The following LVRN variants were observed in gnomAD, a reference collection of about 807,000 sequenced individuals.
LVRN encodes the protein aminopeptidase Q.
A neutral mutation model predicts 111.4 loss-of-function variants in LVRN; 99 were observed. The observed-to-expected ratio is 0.89, with a 90% CI of 0.76 to 1.05. LVRN has a LOEUF of 1.05. Among genes scored for constraint, LVRN ranks in the 50% least tolerant of loss-of-function variants. The probability of loss-of-function intolerance (pLI) is 0.00; values close to 1 mark genes in which losing one functional copy is unlikely to be tolerated. For missense variants in LVRN, 1,414 were observed against 1,206.8 expected, an observed-to-expected ratio of 1.17 and a Z score of -2.54; for synonymous variants, 488 against 449.5, an observed-to-expected ratio of 1.09 and a Z score of -1.08.
intron 4 of LVRN, among the ~76,000 whole-genome samples, chr5:115,989,460 C>G (rs1470669374): frequency 6.6e-6 from 1 of 152,184 alleles, no homozygotes. Flanking sequence ...CCTTCCCTGA[C>G]TTCTTTTCTC....
rs764681509 is a variant in LVRN, at chr5:115,963,032, G to A, written c.415G>A (p.Val139Met). 2 of 1,613,472 alleles carry A rather than the reference G, an allele frequency of 1.2e-6. No individual in the cohort carries two copies. Among genetic ancestry groups the A allele is most frequent in the Admixed American group, 1.7e-5 (1 of 59,996 alleles). Residue 139 changes from valine (V) to methionine (M), a missense_variant, in exon 1 of 20, where the codon GTG becomes ATG. Coordinates refer to ENST00000357872, the MANE Select transcript of LVRN (RefSeq NM_173800.5). ...GRVNITVRCTVATSRLLLHSL... is the reference protein window; with the variant it reads ...GRVNITVRCTMATSRLLLHSL... ...CGTGAACATCACGGTGCGCTGCACG[G>A]TGGCCACCTCTCGACTGCTGCTGCA...
At position 116,007,829 on chromosome 5, in the gene LVRN, A is replaced by T. The variant is rs549169847; in HGVS notation, c.2093+1862A>T. On this transcript the variant is annotated intron_variant, in intron 13 of 19. Transcript: ENST00000357872. ...TCTGGGTCACATTTTGGTAATTCTTACAAAATTTCAAACTTTTTCATGATT... is the reference window on the plus strand; with the variant it reads ...TCTGGGTCACATTTTGGTAATTCTTTCAAAATTTCAAACTTTTTCATGATT... Among the ~76,000 whole-genome samples, 12 of 152,338 alleles carry T rather than the reference A, an allele frequency of 7.9e-5. 1 individual carries two copies. In the South Asian group the frequency reaches 2.5e-3, roughly 32 times the overall value.
intron 1 of LVRN, chr5:115,974,965 G>A: frequency 7.2e-6 from 3 of 414,480 alleles, no homozygotes; most frequent in African/African-American, 2.1e-5. Context: ...CTGCCTTTTG[G>A]GAAATGAAGA....
intron 1 of LVRN, among the ~76,000 whole-genome samples, chr5:115,964,955 G>A (rs1753171011): frequency 6.6e-6 from 1 of 152,198 alleles, no homozygotes; most frequent in South Asian, 2.1e-4. Context: ...TGAAGAACCT[G>A]CAACAGAAGG....
At chr5:115,994,596 T>C (rs749902749) in intron 6 of LVRN, among the ~76,000 whole-genome samples, 21 of 152,196 alleles carry the variant, frequency 1.4e-4, no homozygotes, top group South Asian at 1.2e-3. Flanking sequence ...AAAGCAACTG[T>C]AACAGCAGTG....
At chr5:115,969,168 A>C (rs190269768) in intron 1 of LVRN, among the ~76,000 whole-genome samples, 6 of 152,312 alleles carry the variant, frequency 3.9e-5, no homozygotes, top group Admixed American at 3.9e-4. Context: ...TAAGGAAATA[A>C]AAGAGCCCTG....
At chr5:116,011,314 A>G (rs1748485212) in intron 14 of LVRN, among the ~76,000 whole-genome samples, 1 of 152,112 alleles carries the variant, frequency 6.6e-6, no homozygotes, top group African/African-American at 2.4e-5. Flanking sequence ...ACTCATAGGA[A>G]CAGCACTTAA....
Position 116,026,138 on chromosome 5 carries a change from A to G in LVRN, c.*20A>G, listed in dbSNP as rs1399661001. On this transcript the variant is annotated 3_prime_UTR_variant, in exon 20 of 20. Transcript: ENST00000357872. Reference sequence around the variant, plus strand: ...ACATAGCTTGTGGCTATCTTTCAGCACTCCTCTTGCATATTATAATGTAGT... The same window carrying G: ...ACATAGCTTGTGGCTATCTTTCAGCGCTCCTCTTGCATATTATAATGTAGT... 1 of 1,613,180 alleles carries G rather than the reference A, an allele frequency of 6.2e-7. No homozygotes were observed. The highest frequency in any genetic ancestry group is 1.3e-5 in the African/African-American group (1 of 74,968).
At chr5:115,993,704 T>C (rs748120208) in intron 5 of LVRN, 37 bp from the exon 6 acceptor site, 1 of 1,359,058 alleles carries the variant, frequency 7.4e-7, no homozygotes, top group Non-Finnish European at 1.0e-6. Flanking sequence ...AAAAATTAAA[T>C]TTAAGAAAGC....
At chr5:115,975,415 T>C (rs958871885) in intron 1 of LVRN, 4 of 193,864 alleles carry the variant, frequency 2.1e-5, no homozygotes, top group Middle Eastern at 2.1e-3. Context: ...CAAATGCTTC[T>C]AAACTTTTAT....
chr5:115,986,756 G>C (rs894842028), intron 3 of LVRN, among the ~76,000 whole-genome samples: 4 of 152,282 alleles, frequency 2.6e-5, no homozygotes, highest in Middle Eastern at 6.8e-3. Flanking sequence ...CATGTAAGTA[G>C]TTCAGAATTT....
At chr5:115,986,683 A>G (rs966866931) in intron 3 of LVRN, among the ~76,000 whole-genome samples, 1 of 152,226 alleles carries the variant, frequency 6.6e-6, no homozygotes, top group Non-Finnish European at 1.5e-5. Flanking sequence ...ATTAAGTAAC[A>G]GATAAAGATT....
chr5:115,995,905 A>G (rs1453548989), intron 6 of LVRN, among the ~76,000 whole-genome samples: 1 of 152,170 alleles, frequency 6.6e-6, no homozygotes, highest in Non-Finnish European at 1.5e-5. Context: ...TGTGCTCTAT[A>G]GCAAAAACAC....
intron 10 of LVRN, 30 bp from the exon 11 acceptor site, chr5:116,002,805 T>C (rs767941337): frequency 7.3e-6 from 11 of 1,501,372 alleles, no homozygotes; most frequent in African/African-American, 2.8e-5. Flanking sequence ...GTGTGAAAAG[T>C]AACTAATTTT....
At chr5:115,994,939 T>G (rs1375448563) in intron 6 of LVRN, among the ~76,000 whole-genome samples, 1 of 152,230 alleles carries the variant, frequency 6.6e-6, no homozygotes, top group Non-Finnish European at 1.5e-5. Context: ...TTCTGTCTCC[T>G]GTAACCTCTC....
At chr5:116,009,789 G>A (rs1167440482) in intron 13 of LVRN, among the ~76,000 whole-genome samples, 1 of 152,172 alleles carries the variant, frequency 6.6e-6, no homozygotes, top group East Asian at 1.9e-4. Context: ...TTATGGATGA[G>A]CAAGGAAAGT....
intron 1 of LVRN, among the ~76,000 whole-genome samples, chr5:115,969,087 G>A (rs1251942682): frequency 6.6e-6 from 1 of 152,182 alleles, no homozygotes; most frequent in South Asian, 2.1e-4. Context: ...CTTTCAAGAG[G>A]TCTCCTCTTT....
chr5:116,005,923 T>A lies in LVRN; in HGVS notation c.2049T>A (p.Val683=). The A allele has an allele frequency of 1.3e-6, 2 of 1,597,774 alleles. No individual in the cohort carries two copies. The highest frequency in any genetic ancestry group is 1.1e-5 in the South Asian group (1 of 90,826). Residue 683 remains valine (V), a synonymous_variant, in exon 13 of 20, where the codon GTT becomes GTA. Transcript: ENST00000357872. The stretch of plus-strand genomic sequence containing the variant: ...GTCTAATTCTGCAGGCGATTCCTGT[T>A]ATTCACAGACTGCAGTTGATTGATG... The part of the protein sequence containing the change: ...QLEKDPKAIP[V]IHRLQLIDDA...
Position 115,984,723 on chromosome 5 carries a change from A to T in LVRN, c.978+14A>T. On this transcript the variant is annotated intron_variant, in intron 3 of 19. Coordinates refer to ENST00000357872, the MANE Select transcript of LVRN (RefSeq NM_173800.5). ...AGGGGCAAGGAGGTGAGTGAGGAAGATTCTGTAGGTAAGGGAGATTGTACT... is the reference window on the plus strand; with the variant it reads ...AGGGGCAAGGAGGTGAGTGAGGAAGTTTCTGTAGGTAAGGGAGATTGTACT... 6.2e-7 allele frequency: 1 copy of T among 1,613,172 alleles called. No homozygotes were observed. The highest frequency in any genetic ancestry group is 8.5e-7 in the Non-Finnish European group (1 of 1,179,518).
Sources: allele counts gnomAD v4.1 joint callset (sites outside exome capture counted in the v4.1 genomes callset), GRCh38; gene constraint gnomAD v4.1.1; transcripts MANE v1.5; gene names NCBI Gene and HGNC (gene_info 2026-07-23, HGNC 2026-07-21).